Variants in PTPRK observed in about 807,000 individuals in gnomAD.
The protein encoded by PTPRK is receptor-type tyrosine-protein phosphatase kappa.
In PTPRK, 75 loss-of-function variants were observed where a neutral mutation model predicts 178.0. The ratio of observed to expected loss-of-function variants is 0.42; its 90% CI spans 0.35 to 0.51. The LOEUF is 0.51. PTPRK is among the 20% of genes least tolerant of loss of function. The pLI is 0.02. For missense variants in PTPRK, 1,441 were observed against 1,797.8 expected, an observed-to-expected ratio of 0.80 and a Z score of 3.59; for synonymous variants, 637 against 620.6, an observed-to-expected ratio of 1.03 and a Z score of -0.39.
intron 2 of PTPRK, among the ~76,000 whole-genome samples, chr6:128,372,504 T>C (rs1347331858): frequency 6.6e-6 from 1 of 152,184 alleles, no homozygotes; most frequent in Admixed American, 6.5e-5. Flanking sequence ...AGAGGTACAT[T>C]AGGCACATTG....
chr6:128,238,715 T>C (rs1270074384), intron 5 of PTPRK, among the ~76,000 whole-genome samples: 2 of 152,230 alleles, frequency 1.3e-5, no homozygotes, highest in Non-Finnish European at 2.9e-5. Flanking sequence ...TTGCACATTA[T>C]ACAACATGCT....
At chr6:128,322,986 C>A (rs982868447) in intron 2 of PTPRK, among the ~76,000 whole-genome samples, 1 of 152,090 alleles carries the variant, frequency 6.6e-6, no homozygotes, top group Non-Finnish European at 1.5e-5. Flanking sequence ...TGGAGTCTCA[C>A]CCACTAAGGT....
At chr6:128,022,095 C>T (rs148730015) in intron 13 of PTPRK, among the ~76,000 whole-genome samples, 1,537 of 152,152 alleles carry the variant, frequency 0.01, 27 homozygotes, top group African/African-American at 0.034. Flanking sequence ...ACCACCAACA[C>T]TCTGTACGCC....
intron 1 of PTPRK, among the ~76,000 whole-genome samples, chr6:128,501,756 A>G (rs906067108): frequency 4.6e-5 from 7 of 152,252 alleles, no homozygotes; most frequent in Non-Finnish European, 8.8e-5. Context: ...AAGTAACTTT[A>G]GCTAACAAAT....
chr6:128,064,717 G>A, intron 13 of PTPRK, 41 bp downstream of exon 13: 1 of 1,570,392 alleles, frequency 6.4e-7, no homozygotes, highest in Non-Finnish European at 8.6e-7. Flanking sequence ...TAGAAAGGGG[G>A]TGAGAGTAGT....
chr6:128,000,408 T>TA (rs1777690540), intron 15 of PTPRK: 3 of 952,942 alleles, frequency 3.1e-6, no homozygotes, highest in Non-Finnish European at 4.1e-6. Flanking sequence ...CATTTATCTT[T>TA]ACTCCCTCTT....
chr6:128,137,551 A>G (rs2114493237), intron 7 of PTPRK, among the ~76,000 whole-genome samples: 1 of 152,282 alleles, frequency 6.6e-6, no homozygotes, highest in East Asian at 1.9e-4. Flanking sequence ...CATACTACGA[A>G]CAGATATCTC....
chr6:128,359,409 T>C (rs1834412740), intron 2 of PTPRK, among the ~76,000 whole-genome samples: 1 of 152,182 alleles, frequency 6.6e-6, no homozygotes, highest in Non-Finnish European at 1.5e-5. Flanking sequence ...TGACAACATT[T>C]AATAGTAATC....
At chr6:128,508,254 C>T (rs6938035) in intron 1 of PTPRK, among the ~76,000 whole-genome samples, 71,165 of 151,908 alleles carry the variant, frequency 0.47, 18,519 homozygotes, top group East Asian at 0.68. Context: ...TGGGACAAGT[C>T]ACTGCTGGCT....
chr6:128,483,498 T>C (rs957338447), intron 1 of PTPRK, among the ~76,000 whole-genome samples: 1 of 152,126 alleles, frequency 6.6e-6, no homozygotes, highest in Non-Finnish European at 1.5e-5. Flanking sequence ...TATTATAAAT[T>C]TGCATAGGTA....
At chr6:128,441,167 T>C (rs1846232274) in intron 1 of PTPRK, among the ~76,000 whole-genome samples, 1 of 152,224 alleles carries the variant, frequency 6.6e-6, no homozygotes, top group Non-Finnish European at 1.5e-5. Flanking sequence ...TAAGCCTCAT[T>C]TTAAAAATCT....
chr6:128,421,451 T>A (rs1843469361), intron 1 of PTPRK, among the ~76,000 whole-genome samples: 1 of 152,210 alleles, frequency 6.6e-6, no homozygotes, highest in Non-Finnish European at 1.5e-5. Flanking sequence ...GGGAGTTTTT[T>A]TAAAAGTGTG....
intron 13 of PTPRK, among the ~76,000 whole-genome samples, chr6:128,046,849 A>G (rs780096981): frequency 7.2e-5 from 11 of 152,210 alleles, no homozygotes; most frequent in Non-Finnish European, 1.5e-4. Context: ...CGCATGGAGT[A>G]CAACCAAATG....
At chr6:128,492,555 A>G (rs961510004) in intron 1 of PTPRK, among the ~76,000 whole-genome samples, 2 of 152,186 alleles carry the variant, frequency 1.3e-5, no homozygotes, top group African/African-American at 2.4e-5. Context: ...TGGCCCCAAG[A>G]GAAGCTGTAA....
chr6:128,506,501 T>A lies in PTPRK; in HGVS notation c.100+13758A>T, dbSNP rs192126724. Reference sequence around the variant, plus strand: ...CAAGACCCTGATCTCTACAAAAAAATTTTTAAAAATTAGCCAGGTATGGTG... The same window carrying A: ...CAAGACCCTGATCTCTACAAAAAAAATTTTAAAAATTAGCCAGGTATGGTG... On this transcript the variant is annotated intron_variant, in intron 1 of 29. Transcript: ENST00000368226. 9.1e-3 allele frequency among the ~76,000 whole-genome samples: 1,385 copies of A among 151,744 alleles called. 23 individuals are homozygous for A. The highest frequency in any genetic ancestry group is 0.032 in the African/African-American group (1,303 of 41,324).
intron 7 of PTPRK, among the ~76,000 whole-genome samples, chr6:128,145,715 GATTAT>G (rs1344959757): frequency 6.6e-6 from 1 of 152,054 alleles, no homozygotes; most frequent in Non-Finnish European, 1.5e-5. Context: ...AGCTTTTTCA[GATTAT>G]ATTTATGCCT....
intron 5 of PTPRK, among the ~76,000 whole-genome samples, chr6:128,233,059 A>C (rs1037764723): frequency 2.0e-5 from 3 of 152,262 alleles, no homozygotes; most frequent in African/African-American, 7.2e-5. Flanking sequence ...GCTTACCTTC[A>C]TTATAATAAG....
chr6:128,508,947 C>CA (rs11418015), intron 1 of PTPRK, among the ~76,000 whole-genome samples: 45,240 of 132,610 alleles, frequency 0.34, 9,561 homozygotes, highest in East Asian at 0.61. Context: ...AACTCCATCT[C>CA]AAAAAAAAAA....
chr6:128,213,631 G>A (rs954946091), intron 6 of PTPRK, among the ~76,000 whole-genome samples: 4 of 152,000 alleles, frequency 2.6e-5, no homozygotes, highest in African/African-American at 9.7e-5. Flanking sequence ...TAAAAGCTGT[G>A]CTAGGGAAAC....
Sources: allele counts gnomAD v4.1 joint callset (sites outside exome capture counted in the v4.1 genomes callset), GRCh38; gene constraint gnomAD v4.1.1; transcripts MANE v1.5; gene names NCBI Gene and HGNC (gene_info 2026-07-23, HGNC 2026-07-21).